Variants in STAU2 observed in about 807,000 individuals in gnomAD.
STAU2 encodes the protein staufen double-stranded RNA binding protein 2.
A neutral mutation model predicts 65.9 loss-of-function variants in STAU2; 20 were observed. The observed-to-expected ratio is 0.30, with a 90% CI of 0.21 to 0.44. The LOEUF is 0.44. Among genes scored for constraint, STAU2 ranks in the 20% least tolerant of loss-of-function variants. STAU2 has a pLI of 1.00. For missense variants in STAU2, 558 were observed against 683.9 expected, an observed-to-expected ratio of 0.82 and a Z score of 2.05; for synonymous variants, 232 against 233.9, an observed-to-expected ratio of 0.99 and a Z score of 0.07.
chr8:73,427,022 G>A (rs538339248), intron 13 of STAU2, among the ~76,000 whole-genome samples: 12 of 149,118 alleles, frequency 8.0e-5, no homozygotes, highest in South Asian at 2.1e-4. Context: ...TCTGCCTCCC[G>A]GGTTCAAGCG....
intron 13 of STAU2, among the ~76,000 whole-genome samples, chr8:73,506,049 T>C (rs1822047715): frequency 1.3e-5 from 2 of 152,150 alleles, no homozygotes; most frequent in Non-Finnish European, 2.9e-5. Context: ...CAAGCAGATG[T>C]TGGTGCCACC....
intron 6 of STAU2, among the ~76,000 whole-genome samples, chr8:73,654,780 G>C (rs952813504): frequency 8.0e-6 from 1 of 125,394 alleles, no homozygotes; most frequent in African/African-American, 3.0e-5. Context: ...TCCGCCTCCC[G>C]GGTTCACGCC....
intron 13 of STAU2, among the ~76,000 whole-genome samples, chr8:73,525,800 A>G (rs548458425): frequency 1.3e-5 from 2 of 152,338 alleles, no homozygotes; most frequent in East Asian, 1.9e-4. Flanking sequence ...GAGTGGATAC[A>G]TAGATAGATA....
Position 73,513,088 on chromosome 8 carries a change from A to C in STAU2, c.1530+38924T>G, listed in dbSNP as rs150994053. Among the ~76,000 whole-genome samples the C allele has an allele frequency of 3.0e-3, 459 of 152,068 alleles. 3 individuals are homozygous for C. The highest frequency in any genetic ancestry group is 0.01 in the African/African-American group (434 of 41,464). On this transcript the variant is annotated intron_variant, in intron 13 of 14. Transcript: ENST00000524300. The stretch of plus-strand genomic sequence containing the variant: ...ATTAATCACCCTTTTCTTTCTTTAA[A>C]TATCTTGTAATTTTTTAAGCCTGAA...
chr8:73,542,238 AACATGACAT>A (rs1374611324), intron 13 of STAU2, among the ~76,000 whole-genome samples: 1 of 152,138 alleles, frequency 6.6e-6, no homozygotes, highest in African/African-American at 2.4e-5. Flanking sequence ...GACAAAACAC[AACATGACAT>A]ACATGGTCCT....
chr8:73,580,966 A>G (rs1180351019), intron 12 of STAU2, among the ~76,000 whole-genome samples: 1 of 152,236 alleles, frequency 6.6e-6, no homozygotes, highest in South Asian at 2.1e-4. Context: ...TTAAGATTTA[A>G]GCTGGCTTCA....
intron 13 of STAU2, chr8:73,439,145 C>G (rs1037408787): frequency 3.3e-5 from 14 of 423,536 alleles, no homozygotes; most frequent in Middle Eastern, 3.5e-4. Context: ...GAGAAAATCA[C>G]TAAGTGTAGC....
chr8:73,686,978 C>T (rs1473238817), intron 5 of STAU2, among the ~76,000 whole-genome samples: 4 of 149,316 alleles, frequency 2.7e-5, no homozygotes, highest in Admixed American at 1.3e-4. Context: ...CTGAAACCTC[C>T]GCCTGCCAGG....
In STAU2 at chr8:73,549,664, C is replaced by T. The variant is rs542175626; in HGVS notation, c.1530+2348G>A. ...ACAATATAGCTGTCACATACAATGG[C>T]TCTAGTAGGCTTAAATCAAATTGCA... On this transcript the variant is annotated intron_variant, in intron 13 of 14. Coordinates refer to ENST00000524300, the MANE Select transcript of STAU2 (RefSeq NM_001164380.2). 10 of 985,346 alleles carry T rather than the reference C, an allele frequency of 1.0e-5. No individual in the cohort carries two copies. In the East Asian group the frequency reaches 1.1e-3, roughly 112 times the overall value. 61.0% of individuals were successfully genotyped at this position (985,346 alleles called of 1,614,324 possible).
rs34533172 is a variant in STAU2, at chr8:73,591,882, TAAAAAAAAAAAAAAAAA to T, written c.1161+3267_1161+3283del. 1.6e-3 allele frequency among the ~76,000 whole-genome samples: 46 copies of T among 28,482 alleles called. No individual in the cohort carries two copies. The South Asian group carries it at 0.085, about 53-fold the overall frequency. The allele number at this position is 28,482 out of a possible 152,430, so 18.7% of individuals were successfully genotyped here. A position where few individuals can be genotyped will look rare whatever the true frequency, so the allele number is the denominator to read the frequency against. ...ACCCATACAGCGTGTATCCCAGAGG[TAAAAAAAAAAAAAAAAA>T]AAAAAAAAAAAAAAACAAGAGAGAG... On this transcript the variant is annotated intron_variant, in intron 11 of 14. Coordinates refer to ENST00000524300, the MANE Select transcript of STAU2 (RefSeq NM_001164380.2).
At chr8:73,706,728 C>T (rs576930210) in intron 4 of STAU2, among the ~76,000 whole-genome samples, 1 of 152,240 alleles carries the variant, frequency 6.6e-6, no homozygotes, top group South Asian at 2.1e-4. Context: ...CAGCAACTGG[C>T]ACAGGTTGGC....
intron 13 of STAU2, among the ~76,000 whole-genome samples, chr8:73,456,615 G>T (rs1280301349): frequency 1.3e-5 from 2 of 152,090 alleles, no homozygotes; most frequent in African/African-American, 4.8e-5. Context: ...AACGAGCATG[G>T]GGCCCATATT....
intron 12 of STAU2, among the ~76,000 whole-genome samples, chr8:73,569,398 C>A (rs1808869415): frequency 6.6e-6 from 1 of 152,108 alleles, no homozygotes. Flanking sequence ...CATAGCTGAA[C>A]AAAAGTCAGC....
intron 8 of STAU2, among the ~76,000 whole-genome samples, chr8:73,615,265 A>T (rs779067933): frequency 7.9e-5 from 12 of 152,048 alleles, no homozygotes; most frequent in South Asian, 2.1e-4. Context: ...TTGTTAGTTG[A>T]GGTTAAAGTG....
intron 3 of STAU2, among the ~76,000 whole-genome samples, chr8:73,711,745 C>G (rs1820915664): frequency 6.6e-6 from 1 of 152,100 alleles, no homozygotes; most frequent in Non-Finnish European, 1.5e-5. Flanking sequence ...TCCATTAATT[C>G]TGACTTCCTG....
intron 4 of STAU2, among the ~76,000 whole-genome samples, chr8:73,694,661 A>G (rs572033146): frequency 6.6e-6 from 1 of 152,358 alleles, no homozygotes; most frequent in East Asian, 1.9e-4. Flanking sequence ...GAACAATCAC[A>G]GTGTCTGGCT....
intron 6 of STAU2, among the ~76,000 whole-genome samples, chr8:73,649,195 C>T (rs1815630105): frequency 6.6e-6 from 1 of 152,100 alleles, no homozygotes; most frequent in South Asian, 2.1e-4. Context: ...AAACAAAGAC[C>T]GAGATTTCCA....
chr8:73,583,755 T>G (rs1810166996), intron 11 of STAU2, among the ~76,000 whole-genome samples: 1 of 152,222 alleles, frequency 6.6e-6, no homozygotes, highest in Admixed American at 6.5e-5. Context: ...GTCCTAACTT[T>G]AAGCAAAACA....
At chr8:73,439,621 C>T (rs1817983965) in intron 13 of STAU2, among the ~76,000 whole-genome samples, 1 of 152,248 alleles carries the variant, frequency 6.6e-6, no homozygotes, top group South Asian at 2.1e-4. Flanking sequence ...CAATGAGCAG[C>T]TCCAACTCTT....
Sources: allele counts gnomAD v4.1 joint callset (sites outside exome capture counted in the v4.1 genomes callset), GRCh38; gene constraint gnomAD v4.1.1; transcripts MANE v1.5; gene names NCBI Gene and HGNC (gene_info 2026-07-23, HGNC 2026-07-21).